The following ZEB1 variants were observed in gnomAD, a reference collection of about 807,000 sequenced individuals.
ZEB1 encodes the protein zinc finger E-box-binding homeobox 1.
In ZEB1, 21 loss-of-function variants were observed where a neutral mutation model predicts 84.9. That is an observed-to-expected ratio of 0.25 (90% CI 0.18 to 0.36). ZEB1 has a LOEUF of 0.36. Among genes scored for constraint, ZEB1 ranks in the 10% least tolerant of loss-of-function variants. The probability of loss-of-function intolerance (pLI) is 1.00; values close to 1 mark genes in which losing one functional copy is unlikely to be tolerated. For synonymous variants in ZEB1, 420 were observed against 471.1 expected (o/e 0.89, Z 1.41); for missense variants, 1,104 against 1,330.2 (o/e 0.83, Z 2.65).
chr10:31,416,401 G>A (rs575557108), intron 1 of ZEB1, among the ~76,000 whole-genome samples: 1 of 152,182 alleles, frequency 6.6e-6, no homozygotes, highest in African/African-American at 2.4e-5. Flanking sequence ...CTCAGATGAT[G>A]TTGTGCTGAT....
intron 4 of ZEB1, among the ~76,000 whole-genome samples, chr10:31,509,730 T>C (rs2069633142): frequency 6.6e-6 from 1 of 152,202 alleles, no homozygotes; most frequent in African/African-American, 2.4e-5. Flanking sequence ...TGTTTTTCTA[T>C]AGTGAATTCA....
chr10:31,521,426 T>C lies in ZEB1; in HGVS notation c.2094T>C (p.Gly698=). The change falls in exon 7 of 9, where the codon GGT becomes GGC. Residue 698 remains glycine (G), a synonymous_variant. Transcript: ENST00000424869. The part of the protein sequence containing the change: ...PVLPVGSTTN[G]SRSSTPSPSP... ...TACCAGTGGGATCAACCACCAATGG[T>C]TCCAGAAGTAGTACACCATCCCCAT... 6.2e-7 allele frequency: 1 copy of C among 1,614,066 alleles called. No individual in the cohort carries two copies. Among genetic ancestry groups the C allele is most frequent in the South Asian group, 1.1e-5 (1 of 91,072 alleles).
intron 2 of ZEB1, among the ~76,000 whole-genome samples, chr10:31,475,133 T>C (rs1308601508): frequency 6.6e-6 from 1 of 151,454 alleles, no homozygotes; most frequent in African/African-American, 2.4e-5. Flanking sequence ...GTGGGTGCAG[T>C]GCACCAGCGT....
At position 31,384,568 on chromosome 10, in the gene ZEB1, A is replaced by G. The variant is rs534394029; in HGVS notation, c.58+65276A>G. ...AGTCTTTCACTACAGATTGCGTGAG[A>G]AACATTGGCCAGCATTAAAGAAGGA... On this transcript the variant is annotated intron_variant, in intron 1 of 8. Transcript: ENST00000424869. Among the ~76,000 whole-genome samples the G allele has an allele frequency of 1.2e-4, 19 of 152,322 alleles. No individual in the cohort carries two copies. In the South Asian group the frequency reaches 3.9e-3, roughly 32 times the overall value.
chr10:31,490,863 G>A (rs930824375), intron 2 of ZEB1, among the ~76,000 whole-genome samples: 2 of 151,752 alleles, frequency 1.3e-5, no homozygotes, highest in South Asian at 4.1e-4. Context: ...TGCTTAACAG[G>A]CAATTTATCC....
chr10:31,340,476 A>G (rs1484815708), intron 1 of ZEB1, among the ~76,000 whole-genome samples: 1 of 152,222 alleles, frequency 6.6e-6, no homozygotes, highest in Non-Finnish European at 1.5e-5. Flanking sequence ...AAAGAAAAAC[A>G]AATCATCCAG....
intron 1 of ZEB1, among the ~76,000 whole-genome samples, chr10:31,432,645 T>C (rs562520375): frequency 6.6e-6 from 1 of 152,192 alleles, no homozygotes. Context: ...CTAACCTTAT[T>C]AAATTCTACA....
At chr10:31,428,656 G>A (rs1335996647) in intron 1 of ZEB1, among the ~76,000 whole-genome samples, 1 of 152,178 alleles carries the variant, frequency 6.6e-6, no homozygotes, top group Non-Finnish European at 1.5e-5. Flanking sequence ...TGAGTAGAGT[G>A]TTAAGTTTCC....
intron 4 of ZEB1, among the ~76,000 whole-genome samples, chr10:31,504,173 T>C (rs929395977): frequency 1.3e-5 from 2 of 152,090 alleles, no homozygotes; most frequent in African/African-American, 4.8e-5. Context: ...ATTCTTCACA[T>C]GTTAATATTC....
At chr10:31,522,996 C>T (rs2072719391) in intron 7 of ZEB1, among the ~76,000 whole-genome samples, 1 of 152,188 alleles carries the variant, frequency 6.6e-6, no homozygotes, top group Non-Finnish European at 1.5e-5. Flanking sequence ...TCACGTGTCA[C>T]GTGACTAGAT....
In ZEB1 at chr10:31,524,009, A is replaced by G. The variant is rs781360863; in HGVS notation, c.2681A>G (p.Lys894Arg). The change falls in exon 8 of 9, where the codon AAA becomes AGA. Residue 894 changes from lysine (K) to arginine (R), a missense_variant. This residue lies in a region of ZEB1 where 531 missense variants were observed against 575.2 expected (regional missense o/e 0.92). Transcript: ENST00000424869. Reference protein sequence around the residue: ...DQNDSDSTPPKKKMRKTENGM... With the variant: ...DQNDSDSTPPRKKMRKTENGM... Reference sequence around the variant, plus strand: ...AATGACTCTGATTCTACACCGCCCAAAAAGAAAATGCGGAAGACAGAAAAT... The same window carrying G: ...AATGACTCTGATTCTACACCGCCCAGAAAGAAAATGCGGAAGACAGAAAAT... 2.5e-6 allele frequency: 4 copies of G among 1,613,876 alleles called. No individual in the cohort carries two copies. Among genetic ancestry groups the G allele is most frequent in the South Asian group, 1.1e-5 (1 of 91,090 alleles).
In ZEB1 at chr10:31,521,182, A is replaced by G. The variant is rs747300107; in HGVS notation, c.1850A>G (p.Asp617Gly). Residue 617 changes from aspartate (D) to glycine (G), a missense_variant, in exon 7 of 9, where the codon GAT (aspartate) becomes GGT (glycine). Transcript: ENST00000424869. ...GCAGAAGAGCTCTCAAAAATTGCTGATTCAGTAAACCTACCACTGGATGTA... is the reference window on the plus strand; with the variant it reads ...GCAGAAGAGCTCTCAAAAATTGCTGGTTCAGTAAACCTACCACTGGATGTA... ...PSAEELSKIA[D>G]SVNLPLDVVK... The G allele has an allele frequency of 3.7e-6, 6 of 1,614,126 alleles. No individual in the cohort carries two copies. Among genetic ancestry groups the G allele is most frequent in the Non-Finnish European group, 5.1e-6 (6 of 1,180,024 alleles).
At chr10:31,415,889 G>T (rs1041941058) in intron 1 of ZEB1, among the ~76,000 whole-genome samples, 4 of 152,008 alleles carry the variant, frequency 2.6e-5, no homozygotes, top group Non-Finnish European at 5.9e-5. Flanking sequence ...AATTTCTCCA[G>T]TGTTTTAAGA....
intron 1 of ZEB1, among the ~76,000 whole-genome samples, chr10:31,395,840 C>T (rs756528988): frequency 3.3e-5 from 5 of 152,158 alleles, no homozygotes; most frequent in African/African-American, 4.8e-5. Flanking sequence ...CCTACTGGAA[C>T]ATTAAATAGA....
intron 4 of ZEB1, among the ~76,000 whole-genome samples, chr10:31,510,019 C>A (rs1023372468): frequency 7.2e-5 from 11 of 152,070 alleles, no homozygotes; most frequent in African/African-American, 2.7e-4. Flanking sequence ...AAATTACAAG[C>A]AGGGTCATGC....
intron 1 of ZEB1, chr10:31,387,414 A>G: frequency 1.7e-6 from 1 of 581,202 alleles, no homozygotes; most frequent in Non-Finnish European, 2.2e-6. Flanking sequence ...ACATTCATCA[A>G]GAGGTGCTTT....
At chr10:31,476,328 G>C (rs1216199918) in intron 2 of ZEB1, among the ~76,000 whole-genome samples, 1 of 151,936 alleles carries the variant, frequency 6.6e-6, no homozygotes, top group African/African-American at 2.4e-5. Context: ...GTTACTATGA[G>C]CATCTCTATG....
At chr10:31,461,615 C>G (rs1055106919) in intron 2 of ZEB1, among the ~76,000 whole-genome samples, 2 of 152,088 alleles carry the variant, frequency 1.3e-5, no homozygotes, top group African/African-American at 4.8e-5. Context: ...AAATCCCAAA[C>G]ACATATAAAT....
At chr10:31,440,835 A>T (rs1329811062) in intron 1 of ZEB1, among the ~76,000 whole-genome samples, 1 of 152,214 alleles carries the variant, frequency 6.6e-6, no homozygotes, top group African/African-American at 2.4e-5. Flanking sequence ...AATACCTAGA[A>T]ATCCAACTTA....
Sources: allele counts gnomAD v4.1 joint callset (sites outside exome capture counted in the v4.1 genomes callset), GRCh38; gene constraint gnomAD v4.1.1; regional missense constraint gnomAD v4.1.1; transcripts MANE v1.5; gene names NCBI Gene and HGNC (gene_info 2026-07-23, HGNC 2026-07-21).